MEGF11: variants seen among roughly 807,000 people sequenced by gnomAD.
MEGF11 encodes the protein multiple epidermal growth factor-like domains protein 11.
In MEGF11, 126 loss-of-function variants were observed where a neutral mutation model predicts 146.6. That is an observed-to-expected ratio of 0.86 (90% CI 0.74 to 1.00). The LOEUF (loss-of-function observed/expected upper bound fraction) is 1.00. Among genes scored for constraint, MEGF11 ranks in the 50% least tolerant of loss-of-function variants. MEGF11 has a pLI of 0.00. For missense variants in MEGF11, 1,509 were observed against 1,521.2 expected, an observed-to-expected ratio of 0.99 and a Z score of 0.13; for synonymous variants, 532 against 583.4, an observed-to-expected ratio of 0.91 and a Z score of 1.27.
At chr15:66,234,481 T>G (rs2092046153) in intron 1 of MEGF11, among the ~76,000 whole-genome samples, 1 of 151,896 alleles carries the variant, frequency 6.6e-6, no homozygotes, top group African/African-American at 2.4e-5. Flanking sequence ...CGCTGAAGAG[T>G]GGGTATCAGG....
At position 66,233,558 on chromosome 15, in the gene MEGF11, C is replaced by T. The variant is rs566902415; in HGVS notation, c.-9+20047G>A. Among the ~76,000 whole-genome samples the T allele has an allele frequency of 2.0e-5, 3 of 152,222 alleles. No homozygotes were observed. The South Asian group carries it at 6.2e-4, about 32-fold the overall frequency. ...GCCAGAAAGTACTATTATGATTATT[C>T]TCACTTTACAGATGGGGAAACTAAG... On this transcript the variant is annotated intron_variant, in intron 1 of 25. Coordinates refer to ENST00000395614, the MANE Select transcript of MEGF11 (RefSeq NM_001385028.1).
At chr15:65,955,779 TATATATATATATATAC>T (rs1484129137) in intron 10 of MEGF11, among the ~76,000 whole-genome samples, 1 of 10,212 alleles carries the variant, frequency 9.8e-5, no homozygotes, top group African/African-American at 2.0e-4. Context: ...TATATATATA[TATATATATATATATAC>T]ACACACACAC....
In MEGF11 at chr15:65,920,861, G is replaced by C. The variant is rs181782325; in HGVS notation, c.1957+1477C>G. Among the ~76,000 whole-genome samples the C allele has an allele frequency of 2.7e-4, 41 of 152,340 alleles. No individual in the cohort carries two copies. The East Asian group carries it at 7.7e-3, about 29-fold the overall frequency. On this transcript the variant is annotated intron_variant, in intron 15 of 25. Coordinates refer to ENST00000395614, the MANE Select transcript of MEGF11 (RefSeq NM_001385028.1). ...TATGTGGGAAATACTCATTAGGCCA[G>C]TGGGCGATAAATCAGACAACGCAGC...
intron 1 of MEGF11, among the ~76,000 whole-genome samples, chr15:66,246,593 A>C (rs910916790): frequency 6.6e-6 from 1 of 152,076 alleles, no homozygotes; most frequent in Non-Finnish European, 1.5e-5. Context: ...GCTTGAGCCC[A>C]GGAGTTCAGG....
intron 2 of MEGF11, among the ~76,000 whole-genome samples, chr15:66,124,410 T>G (rs1453580484): frequency 6.6e-6 from 1 of 152,210 alleles, no homozygotes; most frequent in Non-Finnish European, 1.5e-5. Context: ...AGCAACTCTG[T>G]GAAGTAAGTG....
intron 4 of MEGF11, among the ~76,000 whole-genome samples, chr15:66,118,587 C>T (rs2087850102): frequency 6.6e-6 from 1 of 152,208 alleles, no homozygotes; most frequent in African/African-American, 2.4e-5. Context: ...CATGGTCCAT[C>T]TCATCTTTGC....
At chr15:66,031,930 G>C (rs1178118890) in intron 5 of MEGF11, among the ~76,000 whole-genome samples, 3 of 152,218 alleles carry the variant, frequency 2.0e-5, no homozygotes, top group African/African-American at 7.2e-5. Context: ...GGCAGGAGGT[G>C]AGCAGCAGGT....
intron 1 of MEGF11, among the ~76,000 whole-genome samples, chr15:66,206,275 G>A (rs77894826): frequency 6.6e-6 from 1 of 152,202 alleles, no homozygotes; most frequent in Non-Finnish European, 1.5e-5. Context: ...AGCTTCGGGG[G>A]CTTATGGGAC....
At chr15:66,049,823 AC>A (rs2084378226) in intron 5 of MEGF11, among the ~76,000 whole-genome samples, 1 of 152,138 alleles carries the variant, frequency 6.6e-6, no homozygotes, top group Non-Finnish European at 1.5e-5. Flanking sequence ...CTGGCCAAGA[AC>A]CCACCCTTCT....
At chr15:66,051,091 G>T (rs1038936064) in intron 5 of MEGF11, among the ~76,000 whole-genome samples, 3 of 152,206 alleles carry the variant, frequency 2.0e-5, no homozygotes, top group African/African-American at 4.8e-5. Context: ...ATGCCTCATA[G>T]CACTTGACCA....
At chr15:65,994,396 G>A (rs2082141150) in intron 5 of MEGF11, among the ~76,000 whole-genome samples, 1 of 152,224 alleles carries the variant, frequency 6.6e-6, no homozygotes, top group Non-Finnish European at 1.5e-5. Context: ...CAGGAGCAGT[G>A]GAAGTGGAGG....
chr15:66,178,001 T>G (rs1024120787), intron 1 of MEGF11, among the ~76,000 whole-genome samples: 12 of 151,670 alleles, frequency 7.9e-5, no homozygotes, highest in Admixed American at 5.3e-4. Context: ...TTTCACTGAT[T>G]GATTCAGGGT....
intron 5 of MEGF11, among the ~76,000 whole-genome samples, chr15:65,986,793 CTTTTT>C (rs34991788): frequency 1.6e-5 from 2 of 121,330 alleles, no homozygotes; most frequent in Non-Finnish European, 3.4e-5. Context: ...CTGATTTTTC[CTTTTT>C]TTTTTTTTTT....
At chr15:66,140,067 G>A (rs996858977) in intron 1 of MEGF11, among the ~76,000 whole-genome samples, 6 of 151,188 alleles carry the variant, frequency 4.0e-5, no homozygotes, top group Admixed American at 6.6e-5. Context: ...AAGCCAGTGC[G>A]GTTTTTTCTT....
intron 1 of MEGF11, among the ~76,000 whole-genome samples, chr15:66,141,545 C>G (rs997211670): frequency 6.6e-6 from 1 of 151,870 alleles, no homozygotes; most frequent in African/African-American, 2.4e-5. Flanking sequence ...CCACCTGAAC[C>G]ACAGCACCCA....
intron 1 of MEGF11, among the ~76,000 whole-genome samples, chr15:66,201,205 T>A (rs966074919): frequency 6.6e-6 from 1 of 152,054 alleles, no homozygotes; most frequent in Admixed American, 6.5e-5. Context: ...TTCTCCCTCA[T>A]CCCACCACAA....
At chr15:66,229,312 T>C (rs1184499697) in intron 1 of MEGF11, among the ~76,000 whole-genome samples, 4 of 152,006 alleles carry the variant, frequency 2.6e-5, no homozygotes, top group Non-Finnish European at 5.9e-5. Context: ...AGAGCAGGAC[T>C]GTCCACAAGC....
At chr15:66,178,145 G>A (rs527769811) in intron 1 of MEGF11, among the ~76,000 whole-genome samples, 13 of 151,922 alleles carry the variant, frequency 8.6e-5, no homozygotes, top group Admixed American at 2.6e-4. Context: ...CTAACCATGC[G>A]CTGCTAATTT....
intron 10 of MEGF11, among the ~76,000 whole-genome samples, chr15:65,934,726 A>G (rs1277492743): frequency 2.6e-5 from 4 of 152,212 alleles, no homozygotes; most frequent in Non-Finnish European, 5.9e-5. Flanking sequence ...CCAGCAATGT[A>G]ATCAATGATT....
Sources: allele counts gnomAD v4.1 joint callset (sites outside exome capture counted in the v4.1 genomes callset), GRCh38; gene constraint gnomAD v4.1.1; transcripts MANE v1.5; gene names NCBI Gene and HGNC (gene_info 2026-07-23, HGNC 2026-07-21).